The following SERPINB12 variants were observed in gnomAD, a reference collection of about 807,000 sequenced individuals.
SERPINB12 encodes the protein serpin B12.
In SERPINB12, 57 loss-of-function variants were observed where a neutral mutation model predicts 41.1. That is an observed-to-expected ratio of 1.39 (90% confidence interval 1.12 to 1.73). The LOEUF (loss-of-function observed/expected upper bound fraction) is 1.73. Among genes scored for constraint, SERPINB12 ranks in the 40% most tolerant of loss-of-function variants. The probability of loss-of-function intolerance (pLI) is 0.00; values close to 1 mark genes in which losing one functional copy is unlikely to be tolerated. For synonymous variants in SERPINB12, 180 were observed against 181.3 expected, an observed-to-expected ratio of 0.99 and a Z score of 0.06; for missense variants, 536 against 501.9, an observed-to-expected ratio of 1.07 and a Z score of -0.65.
At chr18:63,565,364 C>G (rs1216892043) in intron 6 of SERPINB12, 81 bp from the exon 7 acceptor site, 1 of 1,331,880 alleles carries the variant, frequency 7.5e-7, no homozygotes, top group Non-Finnish European at 1.0e-6. Context: ...TTAGGAACCC[C>G]TGTCCTCCGT....
chr18:63,539,814 T>C (rs1910239833), upstream of SERPINB12, among the ~76,000 whole-genome samples: 1 of 152,160 alleles, frequency 6.6e-6, no homozygotes, highest in Admixed American at 6.6e-5. Flanking sequence ...TTGTTTCTTT[T>C]AGATTCCATT....
Position 63,566,982 on chromosome 18 carries a change from C to T in SERPINB12, c.1249C>T (p.Leu417Phe). Residue 417 changes from leucine to phenylalanine, a missense_variant, in exon 8 of 8, where the codon CTC (leucine) becomes TTC (phenylalanine). By Grantham distance (22) the Leu-to-Phe change is conservative. Transcript: ENST00000382768. ...TAGACACAACAAAACCCAAACCATT[C>T]TCTTTTATGGCAGGGTCTGCTCTCC... ...FIRHNKTQTI[L>F]FYGRVCSP 1 of 1,606,078 alleles carries T rather than the reference C, an allele frequency of 6.2e-7. No individual in the cohort carries two copies. The highest frequency in any genetic ancestry group is 8.5e-7 in the Non-Finnish European group (1 of 1,176,916).
intron 4 of SERPINB12, 146 bp from the exon 5 acceptor site, chr18:63,560,939 G>T: frequency 1.6e-6 from 1 of 636,900 alleles, no homozygotes; most frequent in East Asian, 2.7e-5. Flanking sequence ...GACTGGGGAT[G>T]GCTAGAAACT....
intron 2 of SERPINB12, among the ~76,000 whole-genome samples, chr18:63,557,491 A>G (rs934657613): frequency 1.3e-5 from 2 of 152,232 alleles, no homozygotes; most frequent in Non-Finnish European, 2.9e-5. Context: ...GGGGTTATGC[A>G]CAACTCAGGC....
At chr18:63,542,925 G>A (rs1192900412) in intron 1 of SERPINB12, among the ~76,000 whole-genome samples, 6 of 152,196 alleles carry the variant, frequency 3.9e-5, no homozygotes, top group African/African-American at 1.2e-4. Flanking sequence ...AGTTCCCTTA[G>A]GATAATAGCC....
the SERPINB12 span, among the ~76,000 whole-genome samples, chr18:63,522,486 T>A: frequency 1.3e-5 from 2 of 152,182 alleles, no homozygotes; most frequent in African/African-American, 4.8e-5. Context: ...AGAGAAAATT[T>A]CTTTAAATCT....
chr18:63,533,067 T>A, the SERPINB12 span, among the ~76,000 whole-genome samples: 2 of 152,112 alleles, frequency 1.3e-5, no homozygotes, highest in African/African-American at 4.8e-5. Flanking sequence ...CAACTCCACC[T>A]CCCGGGTTCT....
the SERPINB12 span, among the ~76,000 whole-genome samples, chr18:63,526,024 C>G: frequency 6.6e-6 from 1 of 151,994 alleles, no homozygotes; most frequent in African/African-American, 2.4e-5. Context: ...ACCAATAAAC[C>G]CAGGAAAAAA....
rs545625908 is a variant in SERPINB12 at position 63,564,206 on chromosome 18, T to C, written c.705+86T>C. On this transcript the variant is annotated intron_variant, in intron 6 of 7. Transcript: ENST00000382768. ...TTTACAATATGTATACTCGAAAAGT[T>C]ACAGCTTACATTTACAATAAGAACA... 1.0e-4 allele frequency: 137 copies of C among 1,357,754 alleles called. 1 individual carries two copies. In the African/African-American group the frequency reaches 1.6e-3, roughly 16 times the overall value. The allele number at this position is 1,357,754 out of a possible 1,614,324, so 84.1% of individuals were successfully genotyped here.
intron 5 of SERPINB12, among the ~76,000 whole-genome samples, chr18:63,562,554 C>T (rs1910948357): frequency 6.6e-6 from 1 of 152,188 alleles, no homozygotes; most frequent in Non-Finnish European, 1.5e-5. Flanking sequence ...CCTGTCTCCT[C>T]TTTTTCTCAC....
the SERPINB12 span, among the ~76,000 whole-genome samples, chr18:63,536,371 T>C: frequency 6.6e-6 from 1 of 152,036 alleles, no homozygotes; most frequent in Admixed American, 6.6e-5. Context: ...AATTACTCAA[T>C]TTTAAAAATT....
chr18:63,547,952 T>C (rs1191871901), intron 1 of SERPINB12, among the ~76,000 whole-genome samples: 4 of 152,120 alleles, frequency 2.6e-5, no homozygotes, highest in Non-Finnish European at 4.4e-5. Flanking sequence ...TTATGAAGGG[T>C]TCTCATGTGC....
At position 63,557,409 on chromosome 18, in the gene SERPINB12, G is replaced by A. The variant is rs1910714198; in HGVS notation, c.169-943G>A. Among the ~76,000 whole-genome samples the A allele has an allele frequency of 2.6e-5, 4 of 152,138 alleles. No homozygotes were observed. In the South Asian group the frequency reaches 8.3e-4, roughly 32 times the overall value. ...TAGAATAAATAAATGAAGGTAATAA[G>A]AACAAATCCCCAAATAAACTACAAG... On this transcript the variant is annotated intron_variant, in intron 2 of 7. Coordinates refer to ENST00000382768, the MANE Select transcript of SERPINB12 (RefSeq NM_001307928.2).
chr18:63,550,393 C>T (rs1047485504), intron 1 of SERPINB12, among the ~76,000 whole-genome samples: 1 of 152,144 alleles, frequency 6.6e-6, no homozygotes, highest in South Asian at 2.1e-4. Flanking sequence ...TGAAAAATTT[C>T]TCTTCAATTT....
upstream of SERPINB12, among the ~76,000 whole-genome samples, chr18:63,541,568 T>G (rs115509593): frequency 6.6e-6 from 1 of 152,198 alleles, no homozygotes. Context: ...TAACCAAATA[T>G]GAACCACGTT....
Position 63,558,386 on chromosome 18 carries a change from G to A in SERPINB12, c.203G>A (p.Ser68Asn). 6.2e-7 allele frequency: 1 copy of A among 1,613,760 alleles called. No homozygotes were observed. The highest frequency in any genetic ancestry group is 2.2e-5 in the East Asian group (1 of 44,874). The change falls in exon 3 of 8, where the codon AGC becomes AAC. Residue 68 changes from serine to asparagine, a missense_variant. Coordinates refer to ENST00000382768, the MANE Select transcript of SERPINB12 (RefSeq NM_001307928.2). The stretch of plus-strand genomic sequence containing the variant: ...TTCAACGAATTTTCCCAGAATGAAA[G>A]CAAAGAACCTGACCCTTGTCTGAAA... ...LHFNEFSQNE[S>N]KEPDPCLKSN...
the SERPINB12 span, among the ~76,000 whole-genome samples, chr18:63,534,495 C>T: frequency 1.0e-3 from 155 of 152,232 alleles, no homozygotes; most frequent in Non-Finnish European, 1.7e-3. Context: ...TTTCATGAAC[C>T]GGCATGATAT....
At chr18:63,560,217 C>A (rs1219043887) in intron 4 of SERPINB12, among the ~76,000 whole-genome samples, 3 of 152,194 alleles carry the variant, frequency 2.0e-5, no homozygotes, top group Non-Finnish European at 2.9e-5. Flanking sequence ...CTGAAAGGCA[C>A]AGGACTTGTG....
Position 63,561,194 on chromosome 18 carries a change from A to G in SERPINB12, c.554A>G (p.Gln185Arg). 6.2e-7 allele frequency: 1 copy of G among 1,601,890 alleles called. No homozygotes were observed. The highest frequency in any genetic ancestry group is 8.5e-7 in the Non-Finnish European group (1 of 1,170,034). Residue 185 changes from glutamine to arginine, a missense_variant, in exon 5 of 8, where the codon CAA (glutamine) becomes CGA (arginine). Coordinates refer to ENST00000382768, the MANE Select transcript of SERPINB12 (RefSeq NM_001307928.2). The part of the protein sequence containing the change: ...RQEINFWVEC[Q>R]SQGKIKELFS... ...GAGATTAACTTCTGGGTTGAATGTC[A>G]ATCCCAAGGTAAGAAAGCCCAAAAG...
Sources: allele counts gnomAD v4.1 joint callset (sites outside exome capture counted in the v4.1 genomes callset), GRCh38; gene constraint gnomAD v4.1.1; transcripts MANE v1.5; gene names NCBI Gene and HGNC (gene_info 2026-07-23, HGNC 2026-07-21).